Variants in TMC2 observed in about 807,000 individuals in gnomAD.
The protein encoded by TMC2 is transmembrane channel-like protein 2.
Under a neutral mutation model 105.9 loss-of-function variants are expected in TMC2, and 102 were observed. The observed-to-expected ratio is 0.96, with a 90% CI of 0.82 to 1.14. The LOEUF is 1.14. Among genes scored for constraint, TMC2 ranks in the 50% most tolerant of loss-of-function variants. The pLI, the probability that TMC2 is intolerant of heterozygous loss-of-function variation, is 0.00. For synonymous variants in TMC2, 402 were observed against 422.8 expected (o/e 0.95, Z 0.60); for missense variants, 1,093 against 1,134.3 (o/e 0.96, Z 0.52).
In TMC2 at chr20:2,610,501, G is replaced by A. The variant is rs761339430; in HGVS notation, c.1496G>A (p.Arg499His). Reference protein sequence around the residue: ...TIAALENYHPRTGLKWQLGRI... With the variant: ...TIAALENYHPHTGLKWQLGRI... ...GCTGCCCTGGAGAATTACCACCCAC[G>A]CACTGGACTGAAGTGGCAGCTGGGA... The change falls in exon 12 of 20, where the codon CGC becomes CAC. Residue 499 changes from arginine to histidine, a missense_variant. Transcript: ENST00000358864. The A allele has an allele frequency of 2.1e-5, 34 of 1,613,506 alleles. No homozygotes were observed. In the African/African-American group the frequency reaches 3.2e-4, roughly 15 times the overall value.
At chr20:2,602,023 T>A (rs1179744125) in intron 10 of TMC2, 90 bp from the exon 11 acceptor site, 3 of 819,692 alleles carry the variant, frequency 3.7e-6, no homozygotes, top group Non-Finnish European at 5.8e-6. Context: ...TTTCTGGAAA[T>A]ATAGAAAGTA....
intron 11 of TMC2, among the ~76,000 whole-genome samples, chr20:2,605,355 C>A (rs553882356): frequency 6.6e-6 from 1 of 152,138 alleles, no homozygotes; most frequent in Non-Finnish European, 1.5e-5. Context: ...ATTTGCTCAC[C>A]GTTCTGGAGG....
Position 2,616,846 on chromosome 20 carries a change from A to G in TMC2, c.1941-226A>G, listed in dbSNP as rs889775994. 1.3e-5 allele frequency among the ~76,000 whole-genome samples: 2 copies of G among 152,230 alleles called. No homozygotes were observed. The highest frequency in any genetic ancestry group is 2.4e-5 in the African/African-American group (1 of 41,468). On this transcript the variant is annotated intron_variant, in intron 15 of 19. Coordinates refer to ENST00000358864, the MANE Select transcript of TMC2 (RefSeq NM_080751.3). The surrounding 1 kb of genome is among the most constrained non-coding windows in gnomAD (Gnocchi z 4.8). Reference sequence around the variant, plus strand: ...GCGAGTCAGTGGTAAAATCTTGGCCAGAGCTTAAGCCAGGAATGCTCGGAG... The same window carrying G: ...GCGAGTCAGTGGTAAAATCTTGGCCGGAGCTTAAGCCAGGAATGCTCGGAG...
At chr20:2,545,682 AAGAAAGAAGAAGGAAG>A in intron 2 of TMC2, among the ~76,000 whole-genome samples, 1 of 66,286 alleles carries the variant, frequency 1.5e-5, no homozygotes, top group East Asian at 4.1e-4. Context: ...GAAGAAGAAG[AAGAAAGAAGAAGGAAG>A]AAGAAAGAAG....
chr20:2,557,492 A>C (rs1422235577), intron 2 of TMC2, among the ~76,000 whole-genome samples: 1 of 152,002 alleles, frequency 6.6e-6, no homozygotes, highest in African/African-American at 2.4e-5. Flanking sequence ...TGTCCATTTT[A>C]TCCATTAGAT....
chr20:2,582,729 G>A (rs1417779209), intron 7 of TMC2, among the ~76,000 whole-genome samples: 2 of 152,178 alleles, frequency 1.3e-5, no homozygotes, highest in African/African-American at 4.8e-5. Flanking sequence ...GCTCGCCTCA[G>A]CCTCCCAAAG....
chr20:2,598,500 C>T (rs1568519156), intron 10 of TMC2, among the ~76,000 whole-genome samples: 1 of 151,854 alleles, frequency 6.6e-6, no homozygotes, highest in South Asian at 2.1e-4. Flanking sequence ...CTGCAACCTC[C>T]GGCTCCTGGG....
Position 2,561,989 on chromosome 20 carries a change from C to G in TMC2, c.533C>G (p.Ala178Gly), listed in dbSNP as rs775393301. 6.2e-7 allele frequency: 1 copy of G among 1,614,078 alleles called. No individual in the cohort carries two copies. The highest frequency in any genetic ancestry group is 1.3e-5 in the African/African-American group (1 of 75,068). ...ATGCGGAGCAAGCCCTGGCCCATGG[C>G]GAAGAAGCTGACAGAGCTCAGGTGA... ...ATMRSKPWPM[A>G]KKLTELREAQ... Residue 178 changes from alanine to glycine, a missense_variant, in exon 4 of 20, where the codon GCG becomes GGG. Ala to Gly is a moderately conservative substitution (Grantham distance 60). Coordinates refer to ENST00000358864, the MANE Select transcript of TMC2 (RefSeq NM_080751.3).
At position 2,642,552 on chromosome 20, in the gene TMC2, G is replaced by T. The variant is rs993911358; in HGVS notation, c.*1201G>T. Among the ~76,000 whole-genome samples the T allele has an allele frequency of 1.3e-5, 2 of 152,210 alleles. No individual in the cohort carries two copies. The highest frequency in any genetic ancestry group is 2.9e-5 in the Non-Finnish European group (2 of 68,036). ...AGAGTTTTGCAAAAGGTACAATGCA[G>T]AGCGTTGTCTCTGGGGATTCTATGT... is the stretch of plus-strand genomic sequence containing the variant. On this transcript the variant is annotated 3_prime_UTR_variant, in exon 20 of 20. Coordinates refer to ENST00000358864, the MANE Select transcript of TMC2 (RefSeq NM_080751.3).
chr20:2,635,988 G>A lies in TMC2; in HGVS notation c.2369G>A (p.Arg790Lys), dbSNP rs966822261. Residue 790 changes from arginine to lysine, a missense_variant, in exon 18 of 20, where the codon AGG becomes AAG. Coordinates refer to ENST00000358864, the MANE Select transcript of TMC2 (RefSeq NM_080751.3). ...CTTTCCCGAGCTAATGCCCAGCTGAGGAAGAAAATCCAAGTGGTGAGTCTG... is the reference window on the plus strand; with the variant it reads ...CTTTCCCGAGCTAATGCCCAGCTGAAGAAGAAAATCCAAGTGGTGAGTCTG... Reference protein sequence around the residue: ...KSLSRANAQLRKKIQVLREVE... With the variant: ...KSLSRANAQLKKKIQVLREVE... 1 of 1,613,966 alleles carries A rather than the reference G, an allele frequency of 6.2e-7. No individual in the cohort carries two copies. Among genetic ancestry groups the A allele is most frequent in the Non-Finnish European group, 8.5e-7 (1 of 1,179,946 alleles).
At chr20:2,631,621 A>G (rs1190102183) in intron 17 of TMC2, among the ~76,000 whole-genome samples, 1 of 151,994 alleles carries the variant, frequency 6.6e-6, no homozygotes, top group Non-Finnish European at 1.5e-5. Context: ...ATATGAAAAA[A>G]CAATTGACTG....
At chr20:2,596,026 T>C (rs944539728) in intron 9 of TMC2, among the ~76,000 whole-genome samples, 5 of 152,134 alleles carry the variant, frequency 3.3e-5, no homozygotes, top group Non-Finnish European at 7.4e-5. Context: ...TTTTCCCTGC[T>C]CTCACCCCAG....
In TMC2 at chr20:2,603,117, T is replaced by C. The variant is rs548879867; in HGVS notation, c.1413+816T>C. 6.6e-5 allele frequency among the ~76,000 whole-genome samples: 10 copies of C among 152,208 alleles called. No homozygotes were observed. The South Asian group carries it at 1.9e-3, about 28-fold the overall frequency. The stretch of plus-strand genomic sequence containing the variant: ...TGAATGATGAGACACATGGTCCAGT[T>C]ATCTCCCCACCCTGGCCAATAGCCA... On this transcript the variant is annotated intron_variant, in intron 11 of 19. Coordinates refer to ENST00000358864, the MANE Select transcript of TMC2 (RefSeq NM_080751.3).
chr20:2,596,085 C>CT (rs904465590), intron 9 of TMC2, among the ~76,000 whole-genome samples: 1 of 152,132 alleles, frequency 6.6e-6, no homozygotes, highest in African/African-American at 2.4e-5. Context: ...AAAAAGCTAA[C>CT]TAAGCCCTGT....
At chr20:2,551,993 T>C (rs1413337766) in intron 2 of TMC2, among the ~76,000 whole-genome samples, 1 of 152,078 alleles carries the variant, frequency 6.6e-6, no homozygotes, top group East Asian at 1.9e-4. Context: ...GTGCAGTAGC[T>C]CACGCCTATA....
intron 2 of TMC2, among the ~76,000 whole-genome samples, chr20:2,550,637 C>G (rs1386655352): frequency 6.6e-6 from 1 of 152,112 alleles, no homozygotes; most frequent in Non-Finnish European, 1.5e-5. Context: ...CCTATTCAAC[C>G]CTCTCTCCCT....
chr20:2,602,125 G>T lies in TMC2; in HGVS notation c.1237G>T (p.Asp413Tyr). The change falls in exon 11 of 20, where the codon GAT (aspartate) becomes TAT (tyrosine). Residue 413 changes from aspartate (D) to tyrosine (Y), a missense_variant. Physicochemically the swap from Asp to Tyr is radical, Grantham distance 160 (BLOSUM62 -3). Transcript: ENST00000358864. ...ITTSFKESIV[D>Y]EQESNKEENI... ...TTCACACATTAAGGAATCAATAGTGGATGAACAAGAGAGTAACAAAGAAGA... is the reference window on the plus strand; with the variant it reads ...TTCACACATTAAGGAATCAATAGTGTATGAACAAGAGAGTAACAAAGAAGA... 1 of 1,609,728 alleles carries T rather than the reference G, an allele frequency of 6.2e-7. No homozygotes were observed. The highest frequency in any genetic ancestry group is 1.7e-4 in the Middle Eastern group (1 of 6,036).
chr20:2,641,575 A>C lies in TMC2; in HGVS notation c.*224A>C. 1 of 539,240 alleles carries C rather than the reference A, an allele frequency of 1.9e-6. No homozygotes were observed. Among genetic ancestry groups the C allele is most frequent in the Non-Finnish European group, 3.3e-6 (1 of 300,084 alleles). 33.4% of individuals were successfully genotyped at this position (539,240 alleles called of 1,614,324 possible). On this transcript the variant is annotated 3_prime_UTR_variant, in exon 20 of 20. Coordinates refer to ENST00000358864, the MANE Select transcript of TMC2 (RefSeq NM_080751.3). ...GGGAAGCTGGAGCCATCTCTGCACT[A>C]ACTGCCCTCCCAAATATCTTGGTTC...
chr20:2,616,110 T>C lies in TMC2; in HGVS notation c.1873-27T>C. The C allele has an allele frequency of 6.3e-7, 1 of 1,590,878 alleles. No individual in the cohort carries two copies. The highest frequency in any genetic ancestry group is 8.6e-7 in the Non-Finnish European group (1 of 1,160,058). On this transcript the variant is annotated intron_variant, in intron 14 of 19. Coordinates refer to ENST00000358864, the MANE Select transcript of TMC2 (RefSeq NM_080751.3). This position sits in a 1 kb window ranked among gnomAD's most constrained non-coding sequence, Gnocchi z 4.8. ...AAACGTGCTTTTTTTTTTCTCTCTCTCTCTCGCTCCCTCCCTCCCTCTCTA... is the reference window on the plus strand; with the variant it reads ...AAACGTGCTTTTTTTTTTCTCTCTCCCTCTCGCTCCCTCCCTCCCTCTCTA...
Sources: gnomAD v4.1 joint callset for allele counts (sites outside exome capture counted in the v4.1 genomes callset) on GRCh38, gnomAD v4.1.1 for gene constraint, Gnocchi (gnomAD v3.1) non-coding constraint, MANE v1.5 for transcripts, NCBI Gene and HGNC (gene_info 2026-07-23, HGNC 2026-07-21) for gene names.